The following CASQ1 variants were observed in gnomAD, a reference collection of about 807,000 sequenced individuals.
CASQ1 encodes calsequestrin 1, also known as calsequestrin-1.
CASQ1 carries 40 observed loss-of-function variants against 49.5 expected under a neutral mutation model. That is an observed-to-expected ratio of 0.81 (90% CI 0.63 to 1.05). The LOEUF is 1.05. Among genes scored for constraint, CASQ1 ranks in the 50% least tolerant of loss-of-function variants. The pLI is 0.00. For synonymous variants in CASQ1, 174 were observed against 187.2 expected, an observed-to-expected ratio of 0.93 and a Z score of 0.58; for missense variants, 469 against 486.9, an observed-to-expected ratio of 0.96 and a Z score of 0.35.
chr1:160,192,322 C>A (rs1021381602), intron 1 of CASQ1, among the ~76,000 whole-genome samples: 1 of 152,106 alleles, frequency 6.6e-6, no homozygotes, highest in Non-Finnish European at 1.5e-5. Context: ...CCAGACCCAC[C>A]ACTACCCTCC....
At chr1:160,195,386 G>A (rs1654192760) in intron 4 of CASQ1, 75 bp from the exon 5 acceptor site, 1 of 1,366,326 alleles carries the variant, frequency 7.3e-7, no homozygotes, top group Admixed American at 1.7e-5. Flanking sequence ...GCAAAGAATT[G>A]GGGACGATAG....
rs1258750084 is a variant in CASQ1, at chr1:160,201,593, TTC to T, written c.*219_*220del. ...CCAGGCCAGCTCTCTCTTATCTGACTTCTGTTTCTTATCCCATAACTTACTTG... is the reference window on the plus strand; with the variant it reads ...CCAGGCCAGCTCTCTCTTATCTGACTTGTTTCTTATCCCATAACTTACTTG... On this transcript the variant is annotated 3_prime_UTR_variant, in exon 11 of 11. Coordinates refer to ENST00000368078, the MANE Select transcript of CASQ1 (RefSeq NM_001231.5). The T allele has an allele frequency of 3.4e-6, 2 of 588,104 alleles. No individual in the cohort carries two copies. Among genetic ancestry groups the T allele is most frequent in the South Asian group, 2.1e-5 (1 of 48,708 alleles). 36.4% of individuals were successfully genotyped at this position (588,104 alleles called of 1,614,324 possible).
At chr1:160,194,549 C>A (rs1323326779) in intron 3 of CASQ1, among the ~76,000 whole-genome samples, 1 of 148,088 alleles carries the variant, frequency 6.8e-6, no homozygotes, top group Admixed American at 6.8e-5. Flanking sequence ...CACACACACA[C>A]CACATGCACA....
At chr1:160,193,707 T>C (rs2101672462) in intron 2 of CASQ1, 40 bp from the exon 3 acceptor site, 1 of 1,157,980 alleles carries the variant, frequency 8.6e-7, no homozygotes, top group East Asian at 2.5e-5. Flanking sequence ...CCTGGGATCA[T>C]GGCTCACTAC....
chr1:160,198,931 T>G, intron 8 of CASQ1, 22 bp from the exon 9 acceptor site: 1 of 1,485,464 alleles, frequency 6.7e-7, no homozygotes, highest in Non-Finnish European at 9.4e-7. Flanking sequence ...ACCTCATACC[T>G]TGTACTTGTG....
At chr1:160,197,101 G>A (rs929880819) in intron 6 of CASQ1, among the ~76,000 whole-genome samples, 2 of 152,060 alleles carry the variant, frequency 1.3e-5, no homozygotes, top group African/African-American at 4.8e-5. Flanking sequence ...CAATCACTCT[G>A]TCCCCCAGGC....
chr1:160,199,638 A>G (rs74123286), intron 9 of CASQ1, among the ~76,000 whole-genome samples: 2,150 of 152,214 alleles, frequency 0.014, 44 homozygotes, highest in African/African-American at 0.049. Flanking sequence ...CAGTGCACCC[A>G]GCTGACCCTC....
intron 3 of CASQ1, among the ~76,000 whole-genome samples, chr1:160,194,297 T>G (rs1171868262): frequency 7.6e-6 from 1 of 131,588 alleles, no homozygotes; most frequent in Non-Finnish European, 1.6e-5. Flanking sequence ...GCCACGCAAA[T>G]GCACACACCA....
chr1:160,192,041 G>A (rs1654087941), intron 1 of CASQ1, among the ~76,000 whole-genome samples: 1 of 152,210 alleles, frequency 6.6e-6, no homozygotes, highest in Non-Finnish European at 1.5e-5. Flanking sequence ...CAGTACCTGA[G>A]TCTGTGCTGA....
intron 6 of CASQ1, among the ~76,000 whole-genome samples, 156 bp from the exon 7 acceptor site, chr1:160,197,413 G>C (rs1236907388): frequency 2.0e-5 from 3 of 152,152 alleles, no homozygotes; most frequent in Non-Finnish European, 4.4e-5. Context: ...AGCCGGGCCT[G>C]GTGCCCAGAG....
At position 160,194,303 on chromosome 1, in the gene CASQ1, CACCA is replaced by C. The variant is rs2101673238; in HGVS notation, c.465+457_465+460del. ...CACATCCATGCCACGCAAATGCACA[CACCA>C]CACACGCCACACATGTACACACACA... On this transcript the variant is annotated intron_variant, in intron 3 of 10. Transcript: ENST00000368078. 2.0e-5 allele frequency among the ~76,000 whole-genome samples: 3 copies of C among 149,728 alleles called. No individual in the cohort carries two copies. The East Asian group carries it at 5.9e-4, about 29-fold the overall frequency.
In CASQ1 at chr1:160,190,661, C is replaced by T. The variant is rs1654050861; in HGVS notation, c.-91C>T. The T allele has an allele frequency of 8.1e-7, 1 of 1,242,116 alleles. No individual in the cohort carries two copies. The highest frequency in any genetic ancestry group is 2.2e-5 in the Admixed American group (1 of 45,222). 76.9% of individuals were successfully genotyped at this position (1,242,116 alleles called of 1,614,324 possible). A position where few individuals can be genotyped will look rare whatever the true frequency, so the allele number is the denominator to read the frequency against. ...CCCCAATCCCCCCTCCCACTTGAGC[C>T]CCTAACTCAGAATCTGGGACCCAGG... On this transcript the variant is annotated 5_prime_UTR_variant, in exon 1 of 11. Transcript: ENST00000368078.
chr1:160,197,659 GCCAGAAGA>G lies in CASQ1; in HGVS notation c.828+47_828+54del, dbSNP rs749183077. Reference sequence around the variant, plus strand: ...GTCAAGCCCTCAGGGAAGCATGGGTGCCAGAAGACTCAAGTCCTAGAAAAACCCCACCC... The same window carrying G: ...GTCAAGCCCTCAGGGAAGCATGGGTGCTCAAGTCCTAGAAAAACCCCACCC... On this transcript the variant is annotated intron_variant, in intron 7 of 10. Transcript: ENST00000368078. 58 of 1,361,446 alleles carry G rather than the reference GCCAGAAGA, an allele frequency of 4.3e-5. 1 individual carries two copies. The Middle Eastern group carries it at 1.4e-3, about 34-fold the overall frequency. The allele number at this position is 1,361,446 out of a possible 1,614,324, so 84.3% of individuals were successfully genotyped here. A position where few individuals can be genotyped will look rare whatever the true frequency, so the allele number is the denominator to read the frequency against.
chr1:160,193,982 A>G, intron 3 of CASQ1, 135 bp downstream of exon 3: 1 of 628,218 alleles, frequency 1.6e-6, no homozygotes, highest in Non-Finnish European at 2.9e-6. Flanking sequence ...CACACCATAC[A>G]TACACCACAC....
chr1:160,195,421 C>T, intron 4 of CASQ1, 40 bp from the exon 5 acceptor site: 1 of 1,586,556 alleles, frequency 6.3e-7, no homozygotes. Context: ...CGGGCAGACC[C>T]TGGTTTCCCC....
intron 5 of CASQ1, 68 bp downstream of exon 5, chr1:160,195,602 A>T: frequency 6.9e-7 from 1 of 1,442,598 alleles, no homozygotes; most frequent in East Asian, 2.3e-5. Context: ...TTCCTCTCCC[A>T]GAATCGATGG....
rs765128786 is a variant in CASQ1, at chr1:160,193,839, C to A, written c.457C>A (p.Leu153Met). The A allele has an allele frequency of 6.2e-7, 1 of 1,611,060 alleles. No individual in the cohort carries two copies. Among genetic ancestry groups the A allele is most frequent in the South Asian group, 1.1e-5 (1 of 91,014 alleles). Residue 153 changes from leucine to methionine, a missense_variant, in exon 3 of 11, where the codon CTG becomes ATG. By Grantham distance (15) the Leu-to-Met change is conservative (BLOSUM62 2). Coordinates refer to ENST00000368078, the MANE Select transcript of CASQ1 (RefSeq NM_001231.5). ...EFSADTIVEF[L>M]LDVLEDPVEL... The stretch of plus-strand genomic sequence containing the variant: ...TTCTGCTGACACCATCGTGGAGTTT[C>A]TGCTTGATGTAAGGACTCCCCTGGA...
chr1:160,194,417 T>C (rs1260048469), intron 3 of CASQ1, among the ~76,000 whole-genome samples: 1 of 134,326 alleles, frequency 7.4e-6, no homozygotes, highest in African/African-American at 2.9e-5. Flanking sequence ...ACTATGCATA[T>C]GCACCACATG....
At chr1:160,196,313 G>A (rs1301313372) in intron 6 of CASQ1, among the ~76,000 whole-genome samples, 1 of 152,008 alleles carries the variant, frequency 6.6e-6, no homozygotes, top group Non-Finnish European at 1.5e-5. Flanking sequence ...AATGAGTGTT[G>A]ACTGCCTGTG....
Sources: gnomAD v4.1 joint callset for allele counts (sites outside exome capture counted in the v4.1 genomes callset) on GRCh38, gnomAD v4.1.1 for gene constraint, MANE v1.5 for transcripts, NCBI Gene and HGNC (gene_info 2026-07-23, HGNC 2026-07-21) for gene names.